RIF1: variants seen among roughly 807,000 people sequenced by gnomAD.
The protein encoded by RIF1 is replication timing regulatory factor 1.
In RIF1, 45 loss-of-function variants were observed where a neutral mutation model predicts 247.1. The observed-to-expected ratio is 0.18, with a 90% CI of 0.14 to 0.23. RIF1 has a LOEUF of 0.23. Among genes scored for constraint, RIF1 ranks in the 10% least tolerant of loss-of-function variants. The pLI, the probability that RIF1 is intolerant of heterozygous loss-of-function variation, is 1.00. For missense variants in RIF1, 2,967 were observed against 2,862.5 expected, an observed-to-expected ratio of 1.04 and a Z score of -0.83; for synonymous variants, 1,087 against 978.8, an observed-to-expected ratio of 1.11 and a Z score of -2.06.
Position 151,464,359 on chromosome 2 carries a change from C to T in RIF1, c.4839C>T (p.Ser1613=), listed in dbSNP as rs1356334222. ...AAGCAACTTCTGAAGAAGATGTAAG[C>T]ATAAAATCTCCGATTTGCGAAAAAC... ...DYKATSEEDV[S]IKSPICEKQD... Residue 1613 remains serine (S), a synonymous_variant, in exon 30 of 36, where the codon AGC becomes AGT. Coordinates refer to ENST00000444746, the MANE Select transcript of RIF1 (RefSeq NM_018151.5). The T allele has an allele frequency of 5.6e-6, 9 of 1,610,542 alleles. No individual in the cohort carries two copies. Among genetic ancestry groups the T allele is most frequent in the Non-Finnish European group, 7.6e-6 (9 of 1,178,988 alleles).
the RIF1 span, chr2:151,514,485 A>C: frequency 7.6e-7 from 1 of 1,318,102 alleles, no homozygotes; most frequent in Non-Finnish European, 1.1e-6. Context: ...TGATTCTCTC[A>C]GGCAAAGAAG....
chr2:151,461,934 CATG>C (rs1167486177), intron 27 of RIF1, among the ~76,000 whole-genome samples: 153 of 152,220 alleles, frequency 1.0e-3, no homozygotes, highest in African/African-American at 3.5e-3. Context: ...AGTGCAGTGG[CATG>C]ATCTCTGCTC....
rs1691703293 is a variant in RIF1 at position 151,438,696 on chromosome 2, G to C, written c.1496G>C (p.Ser499Thr). 5.6e-6 allele frequency: 9 copies of C among 1,612,172 alleles called. No homozygotes were observed. The highest frequency in any genetic ancestry group is 6.8e-6 in the Non-Finnish European group (8 of 1,178,266). ...TTTTGTTTGACAGATGTGGTTGTCAGTGCTATCTGGAAGGAGCTAATTAGC... is the reference window on the plus strand; with the variant it reads ...TTTTGTTTGACAGATGTGGTTGTCACTGCTATCTGGAAGGAGCTAATTAGC... The part of the protein sequence containing the change: ...VGKDAPDVVV[S>T]AIWKELISLV... The change falls in exon 14 of 36, where the codon AGT becomes ACT. Residue 499 changes from serine (S) to threonine (T), a missense_variant. Coordinates refer to ENST00000444746, the MANE Select transcript of RIF1 (RefSeq NM_018151.5).
chr2:151,435,440 C>G (rs1172068324), intron 10 of RIF1, 23 bp from the exon 11 acceptor site: 1 of 1,296,282 alleles, frequency 7.7e-7, no homozygotes, highest in Non-Finnish European at 1.1e-6. Context: ...GTTTATAGAT[C>G]GATGTTTTCT....
intron 19 of RIF1, among the ~76,000 whole-genome samples, chr2:151,446,043 G>C (rs1418395646): frequency 6.6e-6 from 1 of 152,004 alleles, no homozygotes; most frequent in Non-Finnish European, 1.5e-5. Context: ...TTTCACTCTT[G>C]TTGCCCAGGC....
intron 10 of RIF1, chr2:151,499,315 G>C: frequency 2.0e-6 from 3 of 1,520,272 alleles, no homozygotes; most frequent in South Asian, 2.6e-5. Context: ...AAGTTTTCTT[G>C]ATTGTGTTTG....
Position 151,455,058 on chromosome 2 carries a change from C to T in RIF1, c.2508C>T (p.Gly836=), listed in dbSNP as rs749592138. The stretch of plus-strand genomic sequence containing the variant: ...TCACTATTGGCAACTCAATCACCGG[C>T]ATTATTTCCAGTGTACTTGGGCATA... ...TLFTIGNSIT[G]IISSVLGHIS... is the part of the protein sequence containing the mutation. Residue 836 remains glycine, a synonymous_variant, in exon 22 of 36, where the codon GGC becomes GGT. Coordinates refer to ENST00000444746, the MANE Select transcript of RIF1 (RefSeq NM_018151.5). 6.2e-7 allele frequency: 1 copy of T among 1,613,706 alleles called. No homozygotes were observed. The highest frequency in any genetic ancestry group is 1.1e-5 in the South Asian group (1 of 91,070).
intron 10 of RIF1, among the ~76,000 whole-genome samples, chr2:151,434,437 A>ATTTTTTT (rs754795986): frequency 4.4e-4 from 47 of 107,024 alleles, no homozygotes; most frequent in Non-Finnish European, 6.2e-4. Flanking sequence ...TGGTTTTTGA[A>ATTTTTTT]TTTTTTTTTT....
At chr2:151,448,775 G>A (rs1330863312) in intron 20 of RIF1, among the ~76,000 whole-genome samples, 1 of 152,150 alleles carries the variant, frequency 6.6e-6, no homozygotes, top group African/African-American at 2.4e-5. Flanking sequence ...TAGGGACATT[G>A]TCTGTCATGA....
chr2:151,461,155 G>T lies in RIF1; in HGVS notation c.3093G>T (p.Ser1031=), dbSNP rs116443402. The T allele has an allele frequency of 1.9e-6, 3 of 1,608,282 alleles. No individual in the cohort carries two copies. Among genetic ancestry groups the T allele is most frequent in the Non-Finnish European group, 2.5e-6 (3 of 1,178,620 alleles). Reference sequence around the variant, plus strand: ...ATCTGCAGCTGAAACTTGAATCTTCGTCTTTAAAAGTAAAGGGTGAAATTC... The same window carrying T: ...ATCTGCAGCTGAAACTTGAATCTTCTTCTTTAAAAGTAAAGGGTGAAATTC... ...KPAAKLKLES[S]SLKVKGEILL... is the part of the protein sequence containing the mutation. The change falls in exon 27 of 36, where the codon TCG becomes TCT. Residue 1031 remains serine, a synonymous_variant. Transcript: ENST00000444746.
chr2:151,491,582 A>G (rs2056672080), intron 9 of RIF1: 1 of 1,001,238 alleles, frequency 1.0e-6, no homozygotes, highest in Non-Finnish European at 1.5e-6. Flanking sequence ...AGAAAATGGA[A>G]AACTCTGGAG....
downstream of RIF1, chr2:151,512,696 T>G: frequency 7.3e-7 from 1 of 1,365,634 alleles, no homozygotes. Flanking sequence ...CTTTCATGAT[T>G]GGGGTTTATG....
chr2:151,443,630 C>T lies in RIF1; in HGVS notation c.1907C>T (p.Ala636Val). Reference sequence around the variant, plus strand: ...GTTTTAAATGTTATTAATCAAAATGCAAAGCAGTTGGAAAATAAGGAGCAT... The same window carrying T: ...GTTTTAAATGTTATTAATCAAAATGTAAAGCAGTTGGAAAATAAGGAGCAT... ...DSVLNVINQN[A>V]KQLENKEHLW... Residue 636 changes from alanine (A) to valine (V), a missense_variant, in exon 18 of 36, where the codon GCA becomes GTA. Physicochemically the swap from Ala to Val is moderately conservative, Grantham distance 64. Coordinates refer to ENST00000444746, the MANE Select transcript of RIF1 (RefSeq NM_018151.5). 1 of 1,611,798 alleles carries T rather than the reference C, an allele frequency of 6.2e-7. No individual in the cohort carries two copies. The highest frequency in any genetic ancestry group is 2.2e-5 in the East Asian group (1 of 44,710).
At chr2:151,428,660 T>TTTGTCTC in intron 8 of RIF1, 124 bp from the exon 9 acceptor site, 1 of 717,324 alleles carries the variant, frequency 1.4e-6, no homozygotes, top group Non-Finnish European at 2.4e-6. Context: ...TAATTTGTCT[T>TTTGTCTC]TTGTCTCCCC....
At chr2:151,418,615 C>T (rs1257117864) in intron 6 of RIF1, among the ~76,000 whole-genome samples, 1 of 152,140 alleles carries the variant, frequency 6.6e-6, no homozygotes, top group Admixed American at 6.6e-5. Context: ...TGGCTCACAC[C>T]TGTAATCCCA....
At chr2:151,498,148 G>T (rs1044920428) in intron 10 of RIF1, 8 of 1,530,174 alleles carry the variant, frequency 5.2e-6, no homozygotes, top group Non-Finnish European at 7.1e-6. Flanking sequence ...TGTAATATAA[G>T]ATGTATTAGA....
chr2:151,418,146 T>C (rs1019927676), intron 6 of RIF1, among the ~76,000 whole-genome samples: 1 of 152,210 alleles, frequency 6.6e-6, no homozygotes, highest in African/African-American at 2.4e-5. Flanking sequence ...TCATAAAGAC[T>C]GTACACTTAG....
At chr2:151,412,255 C>G (rs556844023) in intron 3 of RIF1, among the ~76,000 whole-genome samples, 305 of 17,470 alleles carry the variant, frequency 0.017, 2 homozygotes, top group African/African-American at 0.018. Context: ...ACTTTTATCT[C>G]CAAAGTTTGA....
chr2:151,414,578 G>A (rs1006050335), intron 3 of RIF1, among the ~76,000 whole-genome samples: 2 of 152,156 alleles, frequency 1.3e-5, no homozygotes, highest in Non-Finnish European at 2.9e-5. Context: ...TTTCATAGGT[G>A]TAGAGATATC....
Sources: allele counts gnomAD v4.1 joint callset (sites outside exome capture counted in the v4.1 genomes callset), GRCh38; gene constraint gnomAD v4.1.1; transcripts MANE v1.5; gene names NCBI Gene and HGNC (gene_info 2026-07-23, HGNC 2026-07-21).